PTPRE: variants seen among roughly 807,000 people sequenced by gnomAD.
PTPRE encodes the protein protein tyrosine phosphatase receptor type E.
In PTPRE, 51 loss-of-function variants were observed where a neutral mutation model predicts 102.0. That is an observed-to-expected ratio of 0.50 (90% CI 0.40 to 0.63). The LOEUF is 0.63. Among genes scored for constraint, PTPRE ranks in the 30% least tolerant of loss-of-function variants. The probability of loss-of-function intolerance (pLI) is 0.00; values close to 1 mark genes in which losing one functional copy is unlikely to be tolerated. For synonymous variants in PTPRE, 345 were observed against 348.2 expected, an observed-to-expected ratio of 0.99 and a Z score of 0.10; for missense variants, 752 against 915.1, an observed-to-expected ratio of 0.82 and a Z score of 2.30.
rs570994786 is a variant in PTPRE, at chr10:127,996,381, G to A, written c.-8+14085G>A. Among the ~76,000 whole-genome samples, 33 of 152,354 alleles carry A rather than the reference G, an allele frequency of 2.2e-4. 1 individual carries two copies. The highest frequency in any genetic ancestry group is 2.1e-3 in the South Asian group (10 of 4,830). Reference sequence around the variant, plus strand: ...GAGGGTTTGGGACGTGAGTGGTTGCGTGTTGCACACCAGCAAACAGGGTGA... The same window carrying A: ...GAGGGTTTGGGACGTGAGTGGTTGCATGTTGCACACCAGCAAACAGGGTGA... On this transcript the variant is annotated intron_variant, in intron 2 of 20. Transcript: ENST00000254667.
intron 11 of PTPRE, among the ~76,000 whole-genome samples, chr10:128,067,338 CCACACACATT>C (rs1448454603): frequency 7.5e-6 from 1 of 134,228 alleles, no homozygotes; most frequent in Non-Finnish European, 1.6e-5. Context: ...ACACATACAT[CCACACACATT>C]CACACACGCA....
chr10:127,908,953 G>A (rs115163210), intron 1 of PTPRE, among the ~76,000 whole-genome samples: 1 of 152,384 alleles, frequency 6.6e-6, no homozygotes, highest in African/African-American at 2.4e-5. Flanking sequence ...AGTCAAACCA[G>A]TTGAGGGAAG....
At position 127,918,558 on chromosome 10, in the gene PTPRE, C is replaced by CAAAA. The variant is rs35535006; in HGVS notation, c.-31+11262_-31+11265dup. Among the ~76,000 whole-genome samples the CAAAA allele has an allele frequency of 8.2e-3, 784 of 95,092 alleles. 8 individuals carry two copies. Among genetic ancestry groups the CAAAA allele is most frequent in the Middle Eastern group, 0.013 (2 of 154 alleles). 62.4% of individuals were successfully genotyped at this position (95,092 alleles called of 152,430 possible). The stretch of plus-strand genomic sequence containing the variant: ...TGGGCGACAGAGCGAGACTCCATCT[C>CAAAA]AAAAAAAAAAAAAAAAGAGAGAAAA... On this transcript the variant is annotated intron_variant, in intron 1 of 20. Transcript: ENST00000254667.
chr10:127,999,117 C>G (rs1473699703), intron 2 of PTPRE: 1 of 152,156 alleles, frequency 6.6e-6, no homozygotes, highest in Non-Finnish European at 1.5e-5. Flanking sequence ...GTTTCAGTTA[C>G]AAGAAATGGA....
At chr10:127,964,088 G>C (rs1420052884) in intron 1 of PTPRE, among the ~76,000 whole-genome samples, 1 of 152,204 alleles carries the variant, frequency 6.6e-6, no homozygotes, top group East Asian at 1.9e-4. Context: ...GATTGCTCTT[G>C]AAGTTGAACC....
At chr10:128,011,823 G>A (rs923008311) in intron 2 of PTPRE, among the ~76,000 whole-genome samples, 6 of 152,216 alleles carry the variant, frequency 3.9e-5, no homozygotes, top group Admixed American at 3.9e-4. Flanking sequence ...CAGTTCACAG[G>A]CGGTGGCCTA....
chr10:128,064,217 G>C (rs1438424276), intron 10 of PTPRE, among the ~76,000 whole-genome samples: 2 of 152,218 alleles, frequency 1.3e-5, no homozygotes, highest in African/African-American at 2.4e-5. Flanking sequence ...AGGTGCTCTG[G>C]TCCCCGCAGT....
chr10:127,940,700 G>C (rs1302221941), intron 1 of PTPRE, among the ~76,000 whole-genome samples: 1 of 152,124 alleles, frequency 6.6e-6, no homozygotes, highest in African/African-American at 2.4e-5. Flanking sequence ...CTTGAGACAG[G>C]GTCTTGCTCT....
At chr10:127,978,742 C>T (rs1042668563) in intron 1 of PTPRE, among the ~76,000 whole-genome samples, 2 of 151,932 alleles carry the variant, frequency 1.3e-5, no homozygotes, top group African/African-American at 2.4e-5. Context: ...TCTCACCGGC[C>T]GGGCTTGGTA....
intron 17 of PTPRE, among the ~76,000 whole-genome samples, chr10:128,073,799 T>TG (rs1850989924): frequency 6.6e-6 from 1 of 152,228 alleles, no homozygotes; most frequent in Non-Finnish European, 1.5e-5. Context: ...TTTCAAGACA[T>TG]GAAGACAACA....
intron 1 of PTPRE, among the ~76,000 whole-genome samples, chr10:127,958,198 G>T (rs1264935744): frequency 2.6e-5 from 4 of 151,726 alleles, no homozygotes; most frequent in Non-Finnish European, 5.9e-5. Context: ...TTATTTTCTT[G>T]TCTCTGCAAT....
intron 2 of PTPRE, among the ~76,000 whole-genome samples, chr10:128,037,191 C>T (rs1338495770): frequency 6.6e-6 from 1 of 152,220 alleles, no homozygotes; most frequent in Non-Finnish European, 1.5e-5. Context: ...GCATTGAGGA[C>T]CTACCCAATT....
At chr10:128,019,188 G>A (rs887129616) in intron 2 of PTPRE, among the ~76,000 whole-genome samples, 7 of 152,204 alleles carry the variant, frequency 4.6e-5, no homozygotes, top group Non-Finnish European at 1.0e-4. Flanking sequence ...TGAGAGGCCC[G>A]ACTTCCAATC....
At chr10:128,007,061 TAGA>T (rs1854627735) in intron 2 of PTPRE, among the ~76,000 whole-genome samples, 1 of 152,224 alleles carries the variant, frequency 6.6e-6, no homozygotes, top group Non-Finnish European at 1.5e-5. Context: ...CCTGATTTTC[TAGA>T]AGATTGTGAC....
At chr10:128,030,307 C>T (rs576291414) in intron 2 of PTPRE, among the ~76,000 whole-genome samples, 1 of 152,098 alleles carries the variant, frequency 6.6e-6, no homozygotes, top group Non-Finnish European at 1.5e-5. Context: ...TTTATGATTT[C>T]GTGGGATTCT....
intron 1 of PTPRE, among the ~76,000 whole-genome samples, chr10:127,910,677 G>A (rs74159112): frequency 0.013 from 1,938 of 152,346 alleles, 42 homozygotes; most frequent in African/African-American, 0.043. Context: ...GGCTGCTGCT[G>A]TGAGGGGGAC....
chr10:127,960,828 C>CCTGG (rs1279807560), intron 1 of PTPRE, among the ~76,000 whole-genome samples: 2 of 151,954 alleles, frequency 1.3e-5, no homozygotes, highest in South Asian at 2.1e-4. Context: ...TCAAGACCAT[C>CCTGG]CTAACATGGT....
Position 127,934,384 on chromosome 10 carries a change from T to C in PTPRE, c.-31+27075T>C, listed in dbSNP as rs1020580223. 2.0e-5 allele frequency: 3 copies of C among 152,194 alleles called. No individual in the cohort carries two copies. In the East Asian group the frequency reaches 5.8e-4, roughly 29 times the overall value. The allele number at this position is 152,194 out of a possible 1,614,324, so 9.4% of individuals were successfully genotyped here. A position where few individuals can be genotyped will look rare whatever the true frequency, so the allele number is the denominator to read the frequency against. The stretch of plus-strand genomic sequence containing the variant: ...AGAGAGAGTCAGACTCCCTGCCTTT[T>C]GGGACATGGCTTTGAGATCTGCCTT... On this transcript the variant is annotated intron_variant, in intron 1 of 20. Coordinates refer to ENST00000254667, the MANE Select transcript of PTPRE (RefSeq NM_006504.6).
chr10:128,024,296 GC>G (rs1846138441), intron 2 of PTPRE, among the ~76,000 whole-genome samples: 1 of 152,118 alleles, frequency 6.6e-6, no homozygotes, highest in Admixed American at 6.5e-5. Flanking sequence ...GTCTTATTTG[GC>G]CCCAGCTATT....
Sources: gnomAD v4.1 joint callset for allele counts (sites outside exome capture counted in the v4.1 genomes callset) on GRCh38, gnomAD v4.1.1 for gene constraint, MANE v1.5 for transcripts, NCBI Gene and HGNC (gene_info 2026-07-23, HGNC 2026-07-21) for gene names.